TENM4: variants seen among roughly 807,000 people sequenced by gnomAD.
The protein encoded by TENM4 is teneurin transmembrane protein 4, also known as teneurin-4.
Under a neutral mutation model 243.3 loss-of-function variants are expected in TENM4, and 82 were observed. The ratio of observed to expected loss-of-function variants is 0.34; its 90% CI spans 0.28 to 0.40. The LOEUF (loss-of-function observed/expected upper bound fraction) is 0.40. TENM4 is among the 10% of genes least tolerant of loss of function. TENM4 has a pLI of 1.00. For synonymous variants in TENM4, 1,412 were observed against 1,456.3 expected (o/e 0.97, Z 0.69); for missense variants, 3,138 against 3,673.3 (o/e 0.85, Z 3.77).
chr11:78,816,253 T>C (rs138213642), intron 12 of TENM4, among the ~76,000 whole-genome samples: 225 of 152,356 alleles, frequency 1.5e-3, no homozygotes, highest in African/African-American at 5.0e-3. Context: ...GCTATGGAGA[T>C]ACCTAGGTAG....
chr11:78,747,330 G>T (rs1856072994), intron 19 of TENM4, among the ~76,000 whole-genome samples: 1 of 152,226 alleles, frequency 6.6e-6, no homozygotes, highest in African/African-American at 2.4e-5. Context: ...CAGGGCACTA[G>T]GCTGCTGAAG....
intron 28 of TENM4, among the ~76,000 whole-genome samples, chr11:78,698,218 A>T (rs1340010458): frequency 6.6e-6 from 1 of 152,178 alleles, no homozygotes; most frequent in Non-Finnish European, 1.5e-5. Context: ...CCTGGCCAAT[A>T]TAGTGAAACC....
intron 6 of TENM4, among the ~76,000 whole-genome samples, chr11:79,031,997 G>A (rs1373002985): frequency 6.6e-6 from 1 of 152,154 alleles, no homozygotes; most frequent in Non-Finnish European, 1.5e-5. Context: ...GGGTTGAAAA[G>A]CCCTTTTCTG....
At chr11:78,780,538 G>A (rs1256846143) in intron 16 of TENM4, among the ~76,000 whole-genome samples, 1 of 151,990 alleles carries the variant, frequency 6.6e-6, no homozygotes, top group Non-Finnish European at 1.5e-5. Context: ...TGCCATCACT[G>A]GGATCCAAGT....
intron 16 of TENM4, among the ~76,000 whole-genome samples, chr11:78,783,438 A>G (rs1856875257): frequency 6.6e-6 from 1 of 152,152 alleles, no homozygotes; most frequent in Non-Finnish European, 1.5e-5. Flanking sequence ...TCTTCATGAG[A>G]TATTTTTAGG....
intron 10 of TENM4, among the ~76,000 whole-genome samples, chr11:78,859,466 C>T (rs749479866): frequency 8.5e-5 from 13 of 152,184 alleles, no homozygotes; most frequent in Non-Finnish European, 1.6e-4. Flanking sequence ...CAATGCTGTG[C>T]AAATATGCAA....
chr11:79,340,689 G>T (rs192329911), intron 1 of TENM4, among the ~76,000 whole-genome samples: 3 of 151,986 alleles, frequency 2.0e-5, no homozygotes, highest in Non-Finnish European at 4.4e-5. Flanking sequence ...TCTATGCCTT[G>T]GTGCTCTTGC....
intron 1 of TENM4, among the ~76,000 whole-genome samples, chr11:79,386,269 A>C (rs552852773): frequency 9.8e-5 from 15 of 152,348 alleles, no homozygotes; most frequent in African/African-American, 3.4e-4. Context: ...ATCAATTCCA[A>C]ATGGGCCACA....
At chr11:78,926,275 C>CT (rs34301647) in intron 6 of TENM4, among the ~76,000 whole-genome samples, 31,812 of 127,298 alleles carry the variant, frequency 0.25, 4,364 homozygotes, top group Middle Eastern at 0.32. Context: ...AAAGAACTGA[C>CT]TTTTTTTTTT....
At chr11:79,389,344 C>G (rs561597) in intron 1 of TENM4, among the ~76,000 whole-genome samples, 77,008 of 151,934 alleles carry the variant, frequency 0.51, 19,620 homozygotes, top group East Asian at 0.56. Context: ...TTTTTGTAGA[C>G]AAGGGTCTTG....
intron 12 of TENM4, among the ~76,000 whole-genome samples, chr11:78,825,656 T>C (rs1040511635): frequency 1.3e-5 from 2 of 152,196 alleles, no homozygotes; most frequent in Non-Finnish European, 2.9e-5. Flanking sequence ...GAGGGCTTGG[T>C]CCTCCAGGAG....
chr11:79,087,595 T>C (rs1325425213), intron 4 of TENM4, among the ~76,000 whole-genome samples: 1 of 152,194 alleles, frequency 6.6e-6, no homozygotes, highest in Non-Finnish European at 1.5e-5. Context: ...AAAAGATCTG[T>C]CCTCGGCCCT....
chr11:79,111,071 G>T (rs1293162549), intron 4 of TENM4, among the ~76,000 whole-genome samples: 4 of 152,068 alleles, frequency 2.6e-5, no homozygotes, highest in Non-Finnish European at 5.9e-5. Flanking sequence ...TCATGGGGGT[G>T]GATTCCCCCA....
Position 79,064,962 on chromosome 11 carries a change from G to A in TENM4, c.269C>T (p.Pro90Leu), listed in dbSNP as rs879929335. Reference protein sequence around the residue: ...LRELGLEEVTPPHGTLYRTDI... With the variant: ...LRELGLEEVTLPHGTLYRTDI... ...TGTCCGGTACAGGGTCCCGTGAGGG[G>A]GCGTTACTTCTTCCAGCCCCAGCTC... Residue 90 changes from proline (P) to leucine (L), a missense_variant, in exon 6 of 34, where the codon CCC (proline) becomes CTC (leucine). Physicochemically the swap from Pro to Leu is moderately conservative, Grantham distance 98. This residue lies in a region of TENM4 where 671 missense variants were observed against 614.1 expected (regional missense o/e 1.09). Coordinates refer to ENST00000278550, the MANE Select transcript of TENM4 (RefSeq NM_001098816.3). 3 of 1,474,898 alleles carry A rather than the reference G, an allele frequency of 2.0e-6. No homozygotes were observed. Among genetic ancestry groups the A allele is most frequent in the Middle Eastern group, 1.8e-4 (1 of 5,634 alleles). The allele number at this position is 1,474,898 out of a possible 1,614,324, so 91.4% of individuals were successfully genotyped here.
At chr11:79,001,483 C>G (rs904244902) in intron 6 of TENM4, among the ~76,000 whole-genome samples, 1 of 151,954 alleles carries the variant, frequency 6.6e-6, no homozygotes, top group Non-Finnish European at 1.5e-5. Context: ...GGAGACCCCC[C>G]CCAAATCCCA....
In TENM4 at chr11:79,423,593, A is replaced by T. The variant is rs1858985264; in HGVS notation, c.-321+16916T>A. On this transcript the variant is annotated intron_variant, in intron 1 of 33. Coordinates refer to ENST00000278550, the MANE Select transcript of TENM4 (RefSeq NM_001098816.3). The stretch of plus-strand genomic sequence containing the variant: ...CTGCATGGGTACAAATTTCCAATTC[A>T]TACTTAACAAGGTGGGGAAACGGGT... Among the ~76,000 whole-genome samples, 2 of 134,912 alleles carry T rather than the reference A, an allele frequency of 1.5e-5. 1 individual carries two copies. The highest frequency in any genetic ancestry group is 4.6e-4 in the South Asian group (2 of 4,380). 88.5% of individuals were successfully genotyped at this position (134,912 alleles called of 152,430 possible).
At chr11:79,070,129 G>C in intron 4 of TENM4, 120 bp from the exon 5 acceptor site, 1 of 1,260,720 alleles carries the variant, frequency 7.9e-7, no homozygotes. Context: ...TGGAGGAGAG[G>C]GTACCGCTCC....
chr11:79,288,016 A>G (rs1856287375), intron 2 of TENM4, among the ~76,000 whole-genome samples: 1 of 152,348 alleles, frequency 6.6e-6, no homozygotes, highest in South Asian at 2.1e-4. Context: ...TTTGGTTTCA[A>G]TGGAACTGGC....
At chr11:78,726,763 G>A (rs1217160889) in intron 22 of TENM4, among the ~76,000 whole-genome samples, 4 of 121,406 alleles carry the variant, frequency 3.3e-5, no homozygotes, top group African/African-American at 1.3e-4. Context: ...GGCTGCTCCC[G>A]CTTTGCCTCT....
Sources: allele counts gnomAD v4.1 joint callset (sites outside exome capture counted in the v4.1 genomes callset), GRCh38; gene constraint gnomAD v4.1.1; regional missense constraint gnomAD v4.1.1; transcripts MANE v1.5; gene names NCBI Gene and HGNC (gene_info 2026-07-23, HGNC 2026-07-21).